The following KLHL4 variants were observed in gnomAD, a reference collection of about 807,000 sequenced individuals.
KLHL4 encodes kelch-like protein 4.
In KLHL4, 17 loss-of-function variants were observed where a neutral mutation model predicts 45.8. That is an observed-to-expected ratio of 0.37 (90% CI 0.25 to 0.56). The LOEUF (loss-of-function observed/expected upper bound fraction) is 0.56. KLHL4 is among the 20% of genes least tolerant of loss of function. The probability of loss-of-function intolerance (pLI) is 0.79; values close to 1 mark genes in which losing one functional copy is unlikely to be tolerated. For missense variants in KLHL4, 544 were observed against 544.9 expected (o/e 1.00, Z 0.02); for synonymous variants, 224 against 189.9 (o/e 1.18, Z -1.47).
intron 1 of KLHL4, among the ~76,000 whole-genome samples, chrX:87,530,817 C>G (rs1184737031): frequency 9.4e-6 from 1 of 105,829 alleles, no homozygotes; most frequent in African/African-American, 3.5e-5. Flanking sequence ...AATGGTATTT[C>G]CAGTTCTAGA....
In KLHL4 at chrX:87,669,013, C is replaced by T. The variant is rs1254779574; in HGVS notation, c.*2479C>T. The T allele has an allele frequency of 1.2e-6, 1 of 818,400 alleles. No individual in the cohort carries two copies. Among genetic ancestry groups the T allele is most frequent in the Admixed American group, 6.7e-5 (1 of 14,911 alleles). The allele number at this position is 818,400 out of a possible 1,213,427, so 67.4% of individuals were successfully genotyped here. ...CCTGCAGAGGCCCAGGGCACTCAAA[C>T]ATAACTGTGCTTGTCTCAGTCAAAC... On this transcript the variant is annotated 3_prime_UTR_variant, in exon 11 of 11. Transcript: ENST00000373119.
At chrX:87,647,521 G>A (rs1243062081) in intron 9 of KLHL4, among the ~76,000 whole-genome samples, 1 of 112,073 alleles carries the variant, frequency 8.9e-6, no homozygotes, top group Non-Finnish European at 1.9e-5. Flanking sequence ...AGTGGATAAA[G>A]AAAATGGGAT....
intron 1 of KLHL4, among the ~76,000 whole-genome samples, chrX:87,565,141 A>C (rs1443205398): frequency 8.9e-6 from 1 of 111,773 alleles, no homozygotes; most frequent in East Asian, 2.8e-4. Flanking sequence ...CACATAATAA[A>C]CTTATGGGGT....
At chrX:87,565,685 C>CAAAAAAAAAAAAAA (rs748577568) in intron 1 of KLHL4, among the ~76,000 whole-genome samples, 2 of 26,260 alleles carry the variant, frequency 7.6e-5, no homozygotes, top group Non-Finnish European at 1.3e-4. Context: ...GTGATTGTGC[C>CAAAAAAAAAAAAAA]AAAAAAAAAA....
At chrX:87,542,064 G>A (rs1931572057) in intron 1 of KLHL4, among the ~76,000 whole-genome samples, 1 of 111,950 alleles carries the variant, frequency 8.9e-6, no homozygotes, top group South Asian at 3.7e-4. Flanking sequence ...TGAGAGAGAT[G>A]ATTTAGGGTA....
intron 1 of KLHL4, 125 bp from the exon 2 acceptor site, chrX:87,613,752 C>A: frequency 2.4e-6 from 1 of 409,328 alleles, no homozygotes; most frequent in Non-Finnish European, 4.0e-6. Context: ...TTTAATCCAA[C>A]ATATTTCCTT....
intron 1 of KLHL4, among the ~76,000 whole-genome samples, chrX:87,581,908 T>C (rs767986923): frequency 8.1e-5 from 9 of 111,707 alleles, no homozygotes; most frequent in Non-Finnish European, 1.5e-4. Context: ...AAAAATGAAC[T>C]TCACTGAGCT....
In KLHL4 at chrX:87,668,415, G is replaced by T; in HGVS notation, c.*1881G>T. On this transcript the variant is annotated 3_prime_UTR_variant, in exon 11 of 11. Coordinates refer to ENST00000373119, the MANE Select transcript of KLHL4 (RefSeq NM_019117.5). ...ATACTCTCTTCTCAATGGCATAGCT[G>T]GACTTGATTAAGTATTGACTCATAG... The T allele has an allele frequency of 1.3e-6, 1 of 749,693 alleles. No individual in the cohort carries two copies. Among genetic ancestry groups the T allele is most frequent in the Non-Finnish European group, 1.6e-6 (1 of 635,100 alleles). 61.8% of individuals were successfully genotyped at this position (749,693 alleles called of 1,213,427 possible).
chrX:87,565,400 C>T (rs1323489666), intron 1 of KLHL4, among the ~76,000 whole-genome samples: 2 of 110,906 alleles, frequency 1.8e-5, no homozygotes, highest in African/African-American at 6.6e-5. Context: ...GCTAGCCTGA[C>T]CAAGTTAATA....
chrX:87,597,977 GTT>G (rs34598007), intron 1 of KLHL4, among the ~76,000 whole-genome samples: 22 of 101,283 alleles, frequency 2.2e-4, no homozygotes, highest in Admixed American at 9.7e-4. Context: ...AAAAAGCAGT[GTT>G]TTTTTTTTTT....
chrX:87,632,519 T>C, intron 7 of KLHL4, 85 bp downstream of exon 7: 1 of 583,719 alleles, frequency 1.7e-6, no homozygotes, highest in Non-Finnish European at 2.6e-6. Context: ...ATTATTGGGA[T>C]TTAGCCAAAT....
Position 87,668,685 on chromosome X carries a change from T to C in KLHL4, c.*2151T>C, listed in dbSNP as rs907484398. The C allele has an allele frequency of 1.5e-5, 2 of 132,822 alleles. No homozygotes were observed. Among genetic ancestry groups the C allele is most frequent in the African/African-American group, 3.3e-5 (1 of 30,359 alleles). 10.9% of individuals were successfully genotyped at this position (132,822 alleles called of 1,213,427 possible). A position where few individuals can be genotyped will look rare whatever the true frequency, so the allele number is the denominator to read the frequency against. On this transcript the variant is annotated 3_prime_UTR_variant, in exon 11 of 11. Coordinates refer to ENST00000373119, the MANE Select transcript of KLHL4 (RefSeq NM_019117.5). ...TGGATTATTATGAGTGGGGGACTGG[T>C]GACTTTATATGAAAAGGAAGGAAGA...
At chrX:87,575,832 G>A (rs769842628) in intron 1 of KLHL4, among the ~76,000 whole-genome samples, 17 of 111,230 alleles carry the variant, frequency 1.5e-4, no homozygotes, top group Middle Eastern at 4.7e-3. Context: ...GCAAATCTTG[G>A]ATTTCACTTC....
chrX:87,632,210 G>GTAC lies in KLHL4; in HGVS notation c.1334_1336dup (p.Thr445dup). On this transcript the variant is annotated inframe_insertion and splice_region_variant, in exon 7 of 11. Coordinates refer to ENST00000373119, the MANE Select transcript of KLHL4 (RefSeq NM_019117.5). ...CCGTTGTTCAATATCCCTTTGTCAG[G>GTAC]TACTACTACTATTGAAAAATATGAC... 8.8e-7 allele frequency: 1 copy of GTAC among 1,133,811 alleles called. No homozygotes were observed. Among genetic ancestry groups the GTAC allele is most frequent in the Non-Finnish European group, 1.2e-6 (1 of 825,915 alleles). The allele number at this position is 1,133,811 out of a possible 1,213,427, so 93.4% of individuals were successfully genotyped here. A position where few individuals can be genotyped will look rare whatever the true frequency, so the allele number is the denominator to read the frequency against.
chrX:87,554,994 G>C (rs200608437), intron 1 of KLHL4, among the ~76,000 whole-genome samples: 19,983 of 104,140 alleles, frequency 0.19, 1,465 homozygotes, highest in East Asian at 0.28. Flanking sequence ...TTTTGTCTTT[G>C]GTTCTGTTTA....
chrX:87,607,577 C>T (rs1286274946), intron 1 of KLHL4, among the ~76,000 whole-genome samples: 2 of 111,628 alleles, frequency 1.8e-5, no homozygotes, highest in African/African-American at 6.5e-5. Context: ...GTTTAGCTTG[C>T]CATGTATTTT....
intron 1 of KLHL4, among the ~76,000 whole-genome samples, chrX:87,553,018 G>A (rs1931869606): frequency 9.0e-6 from 1 of 111,017 alleles, no homozygotes; most frequent in Admixed American, 9.6e-5. Flanking sequence ...CATTCTCTGT[G>A]ATGTGCTTAT....
Position 87,667,054 on chromosome X carries a change from A to G in KLHL4, c.*520A>G, listed in dbSNP as rs1345304235. Reference sequence around the variant, plus strand: ...CCCAAAGAGCTAAACAATTCCTTACATTTACCAAGAGGAAAGCTTTTACTG... The same window carrying G: ...CCCAAAGAGCTAAACAATTCCTTACGTTTACCAAGAGGAAAGCTTTTACTG... On this transcript the variant is annotated 3_prime_UTR_variant, in exon 11 of 11. Transcript: ENST00000373119. 1 of 729,774 alleles carries G rather than the reference A, an allele frequency of 1.4e-6. No individual in the cohort carries two copies. The highest frequency in any genetic ancestry group is 2.5e-5 in the African/African-American group (1 of 39,877). 60.1% of individuals were successfully genotyped at this position (729,774 alleles called of 1,213,427 possible). A position where few individuals can be genotyped will look rare whatever the true frequency, so the allele number is the denominator to read the frequency against.
rs1423150232 is a variant in KLHL4, at chrX:87,631,708, GGTCCTTTAGTTAC to G, written c.1325-499_1325-487del. Among the ~76,000 whole-genome samples the G allele has an allele frequency of 1.3e-4, 14 of 110,827 alleles. No individual in the cohort carries two copies. The Admixed American group carries it at 1.3e-3, about 11-fold the overall frequency. On this transcript the variant is annotated intron_variant, in intron 6 of 10. Transcript: ENST00000373119. ...CCGTTTAAAAATAATTTTCATTCCT[GGTCCTTTAGTTAC>G]GTGTCTTTTAAATAAACACACACAC...
Sources: allele counts gnomAD v4.1 joint callset (sites outside exome capture counted in the v4.1 genomes callset), GRCh38; gene constraint gnomAD v4.1.1; transcripts MANE v1.5; gene names NCBI Gene and HGNC (gene_info 2026-07-23, HGNC 2026-07-21).